Variants in TMEM260 observed in about 807,000 individuals in gnomAD.
TMEM260 encodes the protein protein O-mannosyl-transferase TMEM260.
In TMEM260, 82 loss-of-function variants were observed where a neutral mutation model predicts 88.9. The observed-to-expected ratio is 0.92, with a 90% CI of 0.77 to 1.11. The LOEUF is 1.11. TMEM260 is among the 50% of genes least tolerant of loss of function. The probability of loss-of-function intolerance (pLI) is 0.00; values close to 1 mark genes in which losing one functional copy is unlikely to be tolerated. For missense variants in TMEM260, 902 were observed against 853.4 expected (o/e 1.06, Z -0.71); for synonymous variants, 314 against 309.3 (o/e 1.02, Z -0.16).
chr14:56,610,967 CTTTTTTTTTTTTT>C lies in TMEM260; in HGVS notation c.817-1273_817-1261del, dbSNP rs61185871. ...TATTCTTTTCTTTCTTTCTTTCTTT[CTTTTTTTTTTTTT>C]TTTTGAGACAGAGTCTCACTCTATC... On this transcript the variant is annotated intron_variant, in intron 6 of 15. Transcript: ENST00000261556. Among the ~76,000 whole-genome samples the C allele has an allele frequency of 5.1e-3, 607 of 118,008 alleles. 4 individuals are homozygous for C. The highest frequency in any genetic ancestry group is 8.9e-3 in the Non-Finnish European group (513 of 57,524). The allele number at this position is 118,008 out of a possible 152,430, so 77.4% of individuals were successfully genotyped here.
intron 6 of TMEM260, among the ~76,000 whole-genome samples, chr14:56,611,547 G>A (rs192111134): frequency 3.3e-5 from 5 of 152,134 alleles, no homozygotes; most frequent in Non-Finnish European, 7.4e-5. Flanking sequence ...AAAACATGCT[G>A]GTGAGGTTTT....
At chr14:56,604,665 T>C (rs912900660) in intron 4 of TMEM260, among the ~76,000 whole-genome samples, 1 of 152,154 alleles carries the variant, frequency 6.6e-6, no homozygotes, top group African/African-American at 2.4e-5. Context: ...TTAAAAAATA[T>C]CTGATTATGT....
chr14:56,638,337 A>G lies in TMEM260; in HGVS notation c.1869+1739A>G, dbSNP rs560226718. The G allele has an allele frequency of 2.0e-5, 3 of 152,184 alleles. No homozygotes were observed. In the South Asian group the frequency reaches 6.2e-4, roughly 32 times the overall value. The allele number at this position is 152,184 out of a possible 1,614,324, so 9.4% of individuals were successfully genotyped here. ...TTTTTTTCTAAAAAAGAAAAAAAAA[A>G]GGGCTTTAAACTTGAAAAGATCTCC... On this transcript the variant is annotated intron_variant, in intron 15 of 15. Transcript: ENST00000261556.
the TMEM260 span, among the ~76,000 whole-genome samples, chr14:56,660,204 G>A: frequency 1.9e-3 from 283 of 152,322 alleles, no homozygotes; most frequent in African/African-American, 6.5e-3. Flanking sequence ...AGGCTTGTTT[G>A]TAATTGCTTC....
chr14:56,629,337 A>G (rs1383640004), intron 12 of TMEM260, among the ~76,000 whole-genome samples: 1 of 142,722 alleles, frequency 7.0e-6, no homozygotes, highest in Non-Finnish European at 1.5e-5. Context: ...TTTTCATGGT[A>G]TACTTAGGAG....
chr14:56,581,976 C>T (rs987512128), intron 1 of TMEM260, among the ~76,000 whole-genome samples: 2 of 152,024 alleles, frequency 1.3e-5, no homozygotes, highest in East Asian at 1.9e-4. Flanking sequence ...TGTGTATTCA[C>T]CTTGAGTTAC....
In TMEM260 at chr14:56,582,151, A is replaced by G. The variant is rs558122090; in HGVS notation, c.160+2077A>G. 3.3e-5 allele frequency among the ~76,000 whole-genome samples: 5 copies of G among 152,326 alleles called. No homozygotes were observed. In the South Asian group the frequency reaches 1.0e-3, roughly 32 times the overall value. ...ATAATTGTGTTTACATGTTGAATGCACTATTCTTGAATGTTTATGAATTAT... is the reference window on the plus strand; with the variant it reads ...ATAATTGTGTTTACATGTTGAATGCGCTATTCTTGAATGTTTATGAATTAT... On this transcript the variant is annotated intron_variant, in intron 1 of 15. Transcript: ENST00000261556.
Position 56,647,430 on chromosome 14 carries a change from A to G in TMEM260, c.2057A>G (p.Asp686Gly), listed in dbSNP as rs762765529. Residue 686 changes from aspartate (D) to glycine (G), a missense_variant, in exon 16 of 16, where the codon GAT (aspartate) becomes GGT (glycine). Transcript: ENST00000261556. ...GCACCGAATGACCCACAGCAAGCTG[A>G]TATTTTAGGTGCTCTAAAGCACCTA... is the stretch of plus-strand genomic sequence containing the variant. The part of the protein sequence containing the change: ...QKAPNDPQQA[D>G]ILGALKHLRK... 1.2e-6 allele frequency: 2 copies of G among 1,614,212 alleles called. No homozygotes were observed. The highest frequency in any genetic ancestry group is 1.3e-5 in the African/African-American group (1 of 75,056).
chr14:56,614,219 TAA>T (rs397852138), intron 7 of TMEM260, among the ~76,000 whole-genome samples: 194 of 111,520 alleles, frequency 1.7e-3, no homozygotes, highest in East Asian at 1.9e-3. Flanking sequence ...TACAAAACAT[TAA>T]AAAAAAAAAA....
chr14:56,586,945 A>G (rs1219823230), intron 3 of TMEM260, among the ~76,000 whole-genome samples: 1 of 151,798 alleles, frequency 6.6e-6, no homozygotes, highest in African/African-American at 2.4e-5. Context: ...TTATATTATT[A>G]AATTTGTTAT....
intron 15 of TMEM260, among the ~76,000 whole-genome samples, chr14:56,646,111 AAATAAAGGGAACT>A (rs747146101): frequency 4.6e-5 from 7 of 152,168 alleles, no homozygotes; most frequent in Non-Finnish European, 1.0e-4. Flanking sequence ...CTATTGTATA[AAATAAAGGGAACT>A]AAGGGGAAAT....
intron 4 of TMEM260, 64 bp from the exon 5 acceptor site, chr14:56,605,506 T>G: frequency 1.1e-6 from 1 of 906,806 alleles, no homozygotes. Flanking sequence ...AAATGGCTTT[T>G]TATTATGTTC....
intron 7 of TMEM260, chr14:56,612,524 CATA>C (rs1449275422): frequency 5.8e-6 from 3 of 518,850 alleles, no homozygotes; most frequent in South Asian, 5.0e-5. Flanking sequence ...TATAAAATGG[CATA>C]ATATTTGTAT....
intron 3 of TMEM260, among the ~76,000 whole-genome samples, chr14:56,595,279 C>T (rs921943347): frequency 2.6e-5 from 4 of 152,084 alleles, no homozygotes; most frequent in African/African-American, 7.2e-5. Flanking sequence ...GCCTTCTGCA[C>T]GTTCAACTTT....
At chr14:56,615,724 A>G (rs964382709) in intron 7 of TMEM260, 2 of 497,320 alleles carry the variant, frequency 4.0e-6, no homozygotes, top group African/African-American at 3.8e-5. Flanking sequence ...TCCAAATTAT[A>G]TAAGTTGATA....
chr14:56,613,119 A>G (rs1887387021), intron 7 of TMEM260: 1 of 152,144 alleles, frequency 6.6e-6, no homozygotes, highest in African/African-American at 2.4e-5. Context: ...TTTAAAACCT[A>G]CAGATTAAGA....
intron 3 of TMEM260, among the ~76,000 whole-genome samples, chr14:56,594,825 G>A (rs562873068): frequency 2.6e-4 from 39 of 152,228 alleles, no homozygotes; most frequent in Admixed American, 1.2e-3. Flanking sequence ...AGTATTGTAT[G>A]CAAAAGATTT....
At chr14:56,611,736 C>G (rs1180514051) in intron 6 of TMEM260, among the ~76,000 whole-genome samples, 2 of 152,172 alleles carry the variant, frequency 1.3e-5, no homozygotes, top group Non-Finnish European at 2.9e-5. Flanking sequence ...GATACATACA[C>G]ACGTATGTTC....
At chr14:56,581,410 C>G (rs1182612378) in intron 1 of TMEM260, among the ~76,000 whole-genome samples, 1 of 152,084 alleles carries the variant, frequency 6.6e-6, no homozygotes, top group East Asian at 1.9e-4. Context: ...GTGTTTCATT[C>G]GTGTAGTAGG....
Sources: allele counts gnomAD v4.1 joint callset (sites outside exome capture counted in the v4.1 genomes callset), GRCh38; gene constraint gnomAD v4.1.1; transcripts MANE v1.5; gene names NCBI Gene and HGNC (gene_info 2026-07-23, HGNC 2026-07-21).